CAMK1: variants seen among roughly 807,000 people sequenced by gnomAD.
The protein encoded by CAMK1 is calcium/calmodulin dependent protein kinase I.
CAMK1 carries 39 observed loss-of-function variants against 49.1 expected under a neutral mutation model. The observed-to-expected ratio is 0.79, with a 90% CI of 0.62 to 1.04. The LOEUF (loss-of-function observed/expected upper bound fraction) is 1.04, where lower values mean the gene tolerates loss of function less well. CAMK1 is among the 50% of genes least tolerant of loss of function. The pLI is 0.00. For synonymous variants in CAMK1, 192 were observed against 185.2 expected (o/e 1.04, Z -0.30); for missense variants, 457 against 472.2 (o/e 0.97, Z 0.30).
Position 9,757,693 on chromosome 3 carries a change from G to A in CAMK1, c.1030+36C>T. On this transcript the variant is annotated intron_variant, in intron 11 of 11. Transcript: ENST00000256460. The surrounding 1 kb of genome is among the most constrained non-coding windows in gnomAD (Gnocchi z 4.5). ...ACTCCAGCCCGGGTGCACCTTTGTG[G>A]ACCACCCATGCCCTTCTGCAGAGCC... 6.2e-7 allele frequency: 1 copy of A among 1,614,028 alleles called. No individual in the cohort carries two copies. The highest frequency in any genetic ancestry group is 1.6e-4 in the Middle Eastern group (1 of 6,062).
intron 8 of CAMK1, chr3:9,760,454 C>T: frequency 3.7e-6 from 2 of 534,888 alleles, no homozygotes; most frequent in South Asian, 2.1e-5. Context: ...CAAATGAATG[C>T]CTAGTTTCTC....
At chr3:9,768,522 T>C (rs760150449) in intron 1 of CAMK1, among the ~76,000 whole-genome samples, 18 of 152,072 alleles carry the variant, frequency 1.2e-4, no homozygotes, top group Non-Finnish European at 1.9e-4. Context: ...AGATGAAGAA[T>C]GGGGAGACTG....
intron 10 of CAMK1, 198 bp from the exon 11 acceptor site, chr3:9,758,044 G>C (rs1321752015): frequency 1.4e-6 from 1 of 717,596 alleles, no homozygotes; most frequent in Non-Finnish European, 2.2e-6. Context: ...ACATATGTTA[G>C]ATGTATGTGT....
Position 9,760,639 on chromosome 3 carries a change from A to C in CAMK1, c.745+17T>G, listed in dbSNP as rs201794302. The C allele has an allele frequency of 1.4e-5, 22 of 1,613,558 alleles. No homozygotes were observed. The highest frequency in any genetic ancestry group is 1.1e-5 in the Non-Finnish European group (13 of 1,179,648). On this transcript the variant is annotated intron_variant, in intron 8 of 11. Coordinates refer to ENST00000256460, the MANE Select transcript of CAMK1 (RefSeq NM_003656.5). ...CCAGAGGCAGGGCCCAGGGGAAAAA[A>C]GCAAAGCCCCAAATACCAGAGTCAG...
chr3:9,765,830 G>C lies in CAMK1; in HGVS notation c.144C>G (p.Ile48Met). Residue 48 changes from isoleucine (I) to methionine (M), a missense_variant, in exon 3 of 12, where the codon ATC (isoleucine) becomes ATG (methionine). By Grantham distance (10) the Ile-to-Met change is conservative (BLOSUM62 1). Coordinates refer to ENST00000256460, the MANE Select transcript of CAMK1 (RefSeq NM_003656.5). ...CCAGGGCCTCCTTGGCAATGCATTT[G>C]ATGGCCACCAGCTTCTGCGTCCTCT... ...EDKRTQKLVAIKCIAKEALEG... is the reference protein window; with the variant it reads ...EDKRTQKLVAMKCIAKEALEG... 6.2e-7 allele frequency: 1 copy of C among 1,614,020 alleles called. No homozygotes were observed. Among genetic ancestry groups the C allele is most frequent in the Non-Finnish European group, 8.5e-7 (1 of 1,179,972 alleles).
At position 9,761,469 on chromosome 3, in the gene CAMK1, G is replaced by T; in HGVS notation, c.624C>A (p.Ala208=). ...GGCCAAGCCCCACTTACAAGATGTA[G>T]GCGATGACACCTATGGACCAGCAAT... ...AVDCWSIGVI[A]YILLCGYPPF... is the part of the protein sequence containing the mutation. Residue 208 remains alanine (A), a synonymous_variant, in exon 7 of 12, where the codon GCC becomes GCA. Transcript: ENST00000256460. The T allele has an allele frequency of 6.2e-7, 1 of 1,611,842 alleles. No homozygotes were observed. Among genetic ancestry groups the T allele is most frequent in the East Asian group, 2.2e-5 (1 of 44,832 alleles).
At chr3:9,769,498 T>G (rs944627940) in intron 1 of CAMK1, among the ~76,000 whole-genome samples, 1 of 152,056 alleles carries the variant, frequency 6.6e-6, no homozygotes, top group African/African-American at 2.4e-5. Flanking sequence ...CCTCCACCCA[T>G]GTCTGACCCA....
intron 1 of CAMK1, among the ~76,000 whole-genome samples, chr3:9,768,837 G>A (rs924313685): frequency 3.9e-5 from 6 of 152,176 alleles, no homozygotes; most frequent in Non-Finnish European, 4.4e-5. Flanking sequence ...TCCTGGAACA[G>A]GACCTTTTTC....
Position 9,757,932 on chromosome 3 carries a change from C to G in CAMK1, c.913-86G>C, listed in dbSNP as rs762871198. On this transcript the variant is annotated intron_variant, in intron 10 of 11. Coordinates refer to ENST00000256460, the MANE Select transcript of CAMK1 (RefSeq NM_003656.5). The surrounding 1 kb of genome is among the most constrained non-coding windows in gnomAD (Gnocchi z 4.5). ...GGGCAGGGGCGCAGTGGGATTCTTG[C>G]AATTGTTCTGTTATTTTCATTCAGG... is the stretch of plus-strand genomic sequence containing the variant. 5.0e-5 allele frequency: 76 copies of G among 1,514,428 alleles called. No homozygotes were observed. The Middle Eastern group carries it at 6.2e-4, about 12-fold the overall frequency. 93.8% of individuals were successfully genotyped at this position (1,514,428 alleles called of 1,614,324 possible).
chr3:9,761,607 GC>G (rs768260156), intron 6 of CAMK1, 23 bp downstream of exon 6: 23 of 1,613,836 alleles, frequency 1.4e-5, no homozygotes, highest in Non-Finnish European at 1.9e-5. Context: ...CACCATCACA[GC>G]CCCAGCCCAG....
chr3:9,761,547 A>T lies in CAMK1; in HGVS notation c.557-11T>A. 6.2e-7 allele frequency: 1 copy of T among 1,613,284 alleles called. No homozygotes were observed. Among genetic ancestry groups the T allele is most frequent in the South Asian group, 1.1e-5 (1 of 91,012 alleles). ...CCAGGACTTCAGGGGCTGTGGAGGG[A>T]AGAGGACGTGGTGGTGACAAATCTC... On this transcript the variant is annotated splice_polypyrimidine_tract_variant and intron_variant, in intron 6 of 11. Transcript: ENST00000256460.
In CAMK1 at chr3:9,763,160, TG is replaced by T; in HGVS notation, c.268del (p.His90ThrfsTer40). 6.2e-7 allele frequency: 1 copy of T among 1,613,820 alleles called. No homozygotes were observed. The highest frequency in any genetic ancestry group is 8.5e-7 in the Non-Finnish European group (1 of 1,179,956). On this transcript the variant is annotated frameshift_variant, in exon 4 of 12. Transcript: ENST00000256460. LOFTEE classifies it high-confidence loss of function. ...TCACAGCTGCATGATGAGGTAGAGG[TG>T]GCCCCCACTCTCATAGATGTCATCC... ...ALDDIYESGG[H>X]LYLIMQLVSG... is the part of the protein sequence containing the mutation.
chr3:9,767,632 C>T, intron 2 of CAMK1, 35 bp downstream of exon 2: 1 of 1,613,072 alleles, frequency 6.2e-7, no homozygotes, highest in Non-Finnish European at 8.5e-7. Flanking sequence ...CAGCCTCCCT[C>T]AGCCATCCAG....
chr3:9,766,314 G>A, intron 2 of CAMK1: 2 of 696,230 alleles, frequency 2.9e-6, no homozygotes, highest in Non-Finnish European at 2.6e-6. Flanking sequence ...AGCCATGCCT[G>A]AGGTCTACCC....
Position 9,757,391 on chromosome 3 carries a change from A to T in CAMK1, c.*148T>A. On this transcript the variant is annotated 3_prime_UTR_variant, in exon 12 of 12. Coordinates refer to ENST00000256460, the MANE Select transcript of CAMK1 (RefSeq NM_003656.5). The surrounding 1 kb of genome is among the most constrained non-coding windows in gnomAD (Gnocchi z 4.5). Reference sequence around the variant, plus strand: ...TTACAAGAAGGAACAATAAAATAGAAACATTTGTATGGAAAATGCAGTGAG... The same window carrying T: ...TTACAAGAAGGAACAATAAAATAGATACATTTGTATGGAAAATGCAGTGAG... 1 of 1,612,370 alleles carries T rather than the reference A, an allele frequency of 6.2e-7. No homozygotes were observed. The highest frequency in any genetic ancestry group is 8.5e-7 in the Non-Finnish European group (1 of 1,179,086).
At chr3:9,761,595 C>T in intron 6 of CAMK1, 36 bp downstream of exon 6, 1 of 1,613,698 alleles carries the variant, frequency 6.2e-7, no homozygotes, top group Non-Finnish European at 8.5e-7. Flanking sequence ...CCTGGTTCCC[C>T]CCACCATCAC....
intron 3 of CAMK1, 102 bp downstream of exon 3, chr3:9,765,657 G>A: frequency 7.3e-7 from 1 of 1,360,972 alleles, no homozygotes; most frequent in Non-Finnish European, 1.0e-6. Flanking sequence ...GGCAATTTAA[G>A]GCTTAGAGAG....
intron 1 of CAMK1, among the ~76,000 whole-genome samples, chr3:9,768,670 T>A (rs1008942999): frequency 6.6e-6 from 1 of 152,170 alleles, no homozygotes; most frequent in African/African-American, 2.4e-5. Context: ...ATGGGCCCCA[T>A]TCAGAGAACA....
In CAMK1 at chr3:9,757,360, C is replaced by T. The variant is rs1397316312; in HGVS notation, c.*179G>A. The T allele has an allele frequency of 6.2e-7, 1 of 1,613,984 alleles. No homozygotes were observed. Among genetic ancestry groups the T allele is most frequent in the Non-Finnish European group, 8.5e-7 (1 of 1,179,964 alleles). On this transcript the variant is annotated 3_prime_UTR_variant, in exon 12 of 12. Transcript: ENST00000256460. This position sits in a 1 kb window ranked among gnomAD's most constrained non-coding sequence, Gnocchi z 4.5. Reference sequence around the variant, plus strand: ...CAGCGCTAAGGATGGTTTTATCTTCCCTTTATTACAAGAAGGAACAATAAA... The same window carrying T: ...CAGCGCTAAGGATGGTTTTATCTTCTCTTTATTACAAGAAGGAACAATAAA...
Sources: allele counts gnomAD v4.1 joint callset (sites outside exome capture counted in the v4.1 genomes callset), GRCh38; gene constraint gnomAD v4.1.1; non-coding constraint Gnocchi (gnomAD v3.1); transcripts MANE v1.5; gene names NCBI Gene and HGNC (gene_info 2026-07-23, HGNC 2026-07-21).